The following DLG2 variants were observed in gnomAD, a reference collection of about 807,000 sequenced individuals.
DLG2 encodes discs large MAGUK scaffold protein 2, also known as disks large homolog 2.
DLG2 carries 45 observed loss-of-function variants against 132.5 expected under a neutral mutation model. The ratio of observed to expected loss-of-function variants is 0.34; its 90% CI spans 0.27 to 0.44. The LOEUF is 0.44. DLG2 is among the 20% of genes least tolerant of loss of function. The probability of loss-of-function intolerance (pLI) is 1.00; values close to 1 mark genes in which losing one functional copy is unlikely to be tolerated. For missense variants in DLG2, 1,045 were observed against 1,196.9 expected, an observed-to-expected ratio of 0.87 and a Z score of 1.87; for synonymous variants, 424 against 419.6, an observed-to-expected ratio of 1.01 and a Z score of -0.13.
At chr11:84,746,434 A>G (rs1396891282) in intron 6 of DLG2, among the ~76,000 whole-genome samples, 1 of 128,594 alleles carries the variant, frequency 7.8e-6, no homozygotes, top group Non-Finnish European at 1.7e-5. Context: ...AGCTTAGTTT[A>G]GACTTGATTA....
At chr11:85,079,924 C>T (rs949802393) in intron 6 of DLG2, among the ~76,000 whole-genome samples, 2 of 152,068 alleles carry the variant, frequency 1.3e-5, no homozygotes, top group African/African-American at 4.8e-5. Context: ...GCCACCACAC[C>T]TGGCCCACTA....
intron 16 of DLG2, among the ~76,000 whole-genome samples, chr11:83,841,238 AAC>A: frequency 6.6e-6 from 1 of 152,352 alleles, no homozygotes; most frequent in African/African-American, 2.4e-5. Flanking sequence ...TGAATAAATA[AAC>A]ACAATTTATA....
chr11:83,494,540 G>A (rs866924382), intron 21 of DLG2, among the ~76,000 whole-genome samples: 16 of 150,328 alleles, frequency 1.1e-4, no homozygotes, highest in African/African-American at 3.7e-4. Flanking sequence ...TTTTTAGGTT[G>A]AACTGCCTAT....
chr11:85,432,925 T>C (rs921192579), intron 3 of DLG2, among the ~76,000 whole-genome samples: 1 of 152,086 alleles, frequency 6.6e-6, no homozygotes, highest in African/African-American at 2.4e-5. Context: ...AGAGAAAGGC[T>C]ACATCACCTA....
At chr11:84,882,974 A>G (rs1257249853) in intron 6 of DLG2, among the ~76,000 whole-genome samples, 2 of 152,102 alleles carry the variant, frequency 1.3e-5, no homozygotes, top group African/African-American at 2.4e-5. Context: ...TACCCAAAGG[A>G]TTATAAATCA....
chr11:84,696,165 G>A (rs972655954), intron 6 of DLG2, among the ~76,000 whole-genome samples: 9 of 151,556 alleles, frequency 5.9e-5, no homozygotes, highest in South Asian at 4.1e-4. Flanking sequence ...ACGGAAATAC[G>A]CAAGAAAACA....
intron 11 of DLG2, among the ~76,000 whole-genome samples, chr11:84,043,797 T>G (rs2096166229): frequency 6.6e-6 from 1 of 151,766 alleles, no homozygotes; most frequent in Non-Finnish European, 1.5e-5. Context: ...ATTTGTAACA[T>G]ATTCATAAGT....
chr11:83,581,247 T>G (rs2096969943), intron 19 of DLG2, among the ~76,000 whole-genome samples: 1 of 152,120 alleles, frequency 6.6e-6, no homozygotes, highest in African/African-American at 2.4e-5. Context: ...CTTGTCATTT[T>G]CTTTTTAAAA....
chr11:85,288,459 C>T (rs1386596894), intron 3 of DLG2, among the ~76,000 whole-genome samples: 2 of 151,828 alleles, frequency 1.3e-5, no homozygotes, highest in African/African-American at 4.8e-5. Flanking sequence ...AGATAAAACC[C>T]AGAAAACAAA....
intron 7 of DLG2, among the ~76,000 whole-genome samples, chr11:84,389,005 A>G (rs2098782359): frequency 1.3e-5 from 2 of 152,060 alleles, no homozygotes; most frequent in Non-Finnish European, 2.9e-5. Context: ...AGGCTTTCAT[A>G]TAGACTGGGT....
At chr11:84,022,491 A>AG (rs1349196073) in intron 11 of DLG2, among the ~76,000 whole-genome samples, 1 of 152,222 alleles carries the variant, frequency 6.6e-6, no homozygotes, top group African/African-American at 2.4e-5. Context: ...TCTCTTCTAT[A>AG]GAAACAAAAG....
chr11:84,697,397 G>A (rs1376652255), intron 6 of DLG2, among the ~76,000 whole-genome samples: 1 of 151,384 alleles, frequency 6.6e-6, no homozygotes, highest in Non-Finnish European at 1.5e-5. Flanking sequence ...ACTTAATTCA[G>A]GTGAACTTGG....
At position 84,514,022 on chromosome 11, in the gene DLG2, T is replaced by C. The variant is rs903096796; in HGVS notation, c.519+20548A>G. ...AAAATCTAATAATCTTATTTAAAAA[T>C]TGGCAAAATATACGAATAGACATTT... On this transcript the variant is annotated intron_variant, in intron 7 of 27. Transcript: ENST00000376104. Among the ~76,000 whole-genome samples the C allele has an allele frequency of 3.9e-5, 6 of 152,092 alleles. No individual in the cohort carries two copies. The East Asian group carries it at 9.7e-4, about 25-fold the overall frequency.
intron 22 of DLG2, chr11:83,480,340 G>T: frequency 6.5e-7 from 1 of 1,528,910 alleles, no homozygotes; most frequent in Non-Finnish European, 8.8e-7. Context: ...CAATTGCAAA[G>T]AAAATAACCG....
chr11:85,389,651 A>G (rs1368447479), intron 3 of DLG2, among the ~76,000 whole-genome samples: 1 of 152,228 alleles, frequency 6.6e-6, no homozygotes. Flanking sequence ...TCAGATTAAC[A>G]GCAGTTTTCT....
At chr11:85,467,066 G>A in intron 3 of DLG2, among the ~76,000 whole-genome samples, 1 of 152,098 alleles carries the variant, frequency 6.6e-6, no homozygotes, top group Admixed American at 6.6e-5. Flanking sequence ...TATTCTCTTT[G>A]AAGCAACTGT....
At chr11:84,094,026 T>C (rs1374639577) in intron 10 of DLG2, among the ~76,000 whole-genome samples, 5 of 152,064 alleles carry the variant, frequency 3.3e-5, no homozygotes, top group African/African-American at 1.2e-4. Flanking sequence ...ATTGTGCAGG[T>C]TAGTTACATA....
chr11:84,282,444 G>A (rs2097862456), intron 7 of DLG2, among the ~76,000 whole-genome samples: 1 of 152,064 alleles, frequency 6.6e-6, no homozygotes, highest in East Asian at 1.9e-4. Flanking sequence ...TTGCAGAGGG[G>A]TGATGGATAT....
intron 19 of DLG2, among the ~76,000 whole-genome samples, chr11:83,566,249 A>G (rs1172385326): frequency 6.6e-6 from 1 of 152,198 alleles, no homozygotes; most frequent in African/African-American, 2.4e-5. Context: ...TAGATACTGG[A>G]CATAGAGGAA....
Sources: allele counts gnomAD v4.1 joint callset (sites outside exome capture counted in the v4.1 genomes callset), GRCh38; gene constraint gnomAD v4.1.1; transcripts MANE v1.5; gene names NCBI Gene and HGNC (gene_info 2026-07-23, HGNC 2026-07-21).